Variants in PLCL1 observed in about 807,000 individuals in gnomAD.
PLCL1 encodes phospholipase C like 1 (inactive).
In PLCL1, 41 loss-of-function variants were observed where a neutral mutation model predicts 84.4. That is an observed-to-expected ratio of 0.49 (90% CI 0.38 to 0.63). The LOEUF is 0.63. Among genes scored for constraint, PLCL1 ranks in the 30% least tolerant of loss-of-function variants. PLCL1 has a pLI of 0.00. For missense variants in PLCL1, 1,206 were observed against 1,367.8 expected (o/e 0.88, Z 1.87); for synonymous variants, 490 against 488.3 (o/e 1.00, Z -0.05).
intron 1 of PLCL1, among the ~76,000 whole-genome samples, chr2:197,859,368 G>A (rs966054636): frequency 1.3e-5 from 2 of 152,048 alleles, no homozygotes; most frequent in African/African-American, 2.4e-5. Context: ...TTCTTAATCT[G>A]TTGTTTAAAT....
intron 1 of PLCL1, among the ~76,000 whole-genome samples, chr2:197,862,074 C>A (rs114815497): frequency 6.6e-6 from 1 of 152,002 alleles, no homozygotes; most frequent in Non-Finnish European, 1.5e-5. Context: ...TAATTGTCTC[C>A]TTATTGAGTA....
chr2:197,846,205 A>G (rs1687118587), intron 1 of PLCL1, among the ~76,000 whole-genome samples: 1 of 152,182 alleles, frequency 6.6e-6, no homozygotes, highest in African/African-American at 2.4e-5. Context: ...AGCCATTTGA[A>G]GGATTATGTG....
At chr2:197,814,764 C>CA (rs1690655179) in intron 1 of PLCL1, among the ~76,000 whole-genome samples, 1 of 152,060 alleles carries the variant, frequency 6.6e-6, no homozygotes, top group South Asian at 2.1e-4. Flanking sequence ...GATAAGAAAG[C>CA]AAAAACAGCC....
intron 5 of PLCL1, among the ~76,000 whole-genome samples, chr2:198,125,765 A>T (rs1190029247): frequency 6.6e-6 from 1 of 152,144 alleles, no homozygotes; most frequent in Non-Finnish European, 1.5e-5. Flanking sequence ...AGCTGCCAGG[A>T]TCCATTGATT....
At chr2:197,857,485 G>C (rs1687352775) in intron 1 of PLCL1, among the ~76,000 whole-genome samples, 1 of 152,168 alleles carries the variant, frequency 6.6e-6, no homozygotes, top group South Asian at 2.1e-4. Flanking sequence ...CTTTGAAACT[G>C]AGCTGCAAAA....
chr2:198,037,236 A>C (rs749963662), intron 1 of PLCL1, among the ~76,000 whole-genome samples: 3 of 152,222 alleles, frequency 2.0e-5, no homozygotes, highest in Non-Finnish European at 4.4e-5. Context: ...TTAGGTGTTA[A>C]TAAAAATCAG....
intron 1 of PLCL1, among the ~76,000 whole-genome samples, chr2:197,866,302 C>T (rs887985971): frequency 2.0e-5 from 3 of 149,892 alleles, no homozygotes; most frequent in Non-Finnish European, 3.0e-5. Context: ...TGAACATTTG[C>T]GTTGGCTGAA....
chr2:197,837,725 C>A (rs1691220198), intron 1 of PLCL1, among the ~76,000 whole-genome samples: 1 of 152,118 alleles, frequency 6.6e-6, no homozygotes, highest in African/African-American at 2.4e-5. Context: ...AAATTGTTAA[C>A]TAAAATTAGG....
intron 4 of PLCL1, among the ~76,000 whole-genome samples, chr2:198,102,332 AGGAAACTGAAGACCAGAGATGTCAGG>A (rs2105912855): frequency 6.6e-6 from 1 of 152,078 alleles, no homozygotes; most frequent in East Asian, 1.9e-4. Context: ...GTCACCCGTG[AGGAAACTGAAGACCAGAGATGTCAGG>A]GTCTTTCCGA....
chr2:198,071,879 T>C (rs1692473110), intron 1 of PLCL1, among the ~76,000 whole-genome samples: 1 of 151,884 alleles, frequency 6.6e-6, no homozygotes, highest in South Asian at 2.1e-4. Flanking sequence ...CTTTAATCTA[T>C]TTAAAATTAT....
chr2:198,023,635 C>T (rs557718792), intron 1 of PLCL1, among the ~76,000 whole-genome samples: 2 of 152,330 alleles, frequency 1.3e-5, no homozygotes, highest in African/African-American at 4.8e-5. Context: ...GGCCAATGAA[C>T]ATATTTTAAA....
chr2:197,892,441 A>T lies in PLCL1; in HGVS notation c.240+87102A>T, dbSNP rs150632446. On this transcript the variant is annotated intron_variant, in intron 1 of 5. Transcript: ENST00000428675. ...TCAGCATGCAAATTTAAACCCAAAGAAAGTTAGGTGCTTAAATGCTCTAGG... is the reference window on the plus strand; with the variant it reads ...TCAGCATGCAAATTTAAACCCAAAGTAAGTTAGGTGCTTAAATGCTCTAGG... 3.4e-3 allele frequency among the ~76,000 whole-genome samples: 524 copies of T among 152,304 alleles called. 4 individuals are homozygous for T. Among genetic ancestry groups the T allele is most frequent in the African/African-American group, 0.012 (487 of 41,560 alleles).
At chr2:197,876,212 G>A (rs370403970) in intron 1 of PLCL1, among the ~76,000 whole-genome samples, 1 of 152,272 alleles carries the variant, frequency 6.6e-6, no homozygotes, top group African/African-American at 2.4e-5. Context: ...ATGGAGCTAG[G>A]AATATTACTA....
intron 1 of PLCL1, among the ~76,000 whole-genome samples, chr2:198,057,192 G>C (rs1410025270): frequency 6.6e-6 from 1 of 152,166 alleles, no homozygotes; most frequent in East Asian, 1.9e-4. Context: ...TAGAGTCCTC[G>C]ATGTGATTGT....
intron 3 of PLCL1, among the ~76,000 whole-genome samples, chr2:198,092,692 C>G (rs1006263737): frequency 6.6e-6 from 1 of 152,210 alleles, no homozygotes; most frequent in East Asian, 1.9e-4. Flanking sequence ...ACTACTCTCC[C>G]CATACATTCC....
chr2:197,950,130 C>G (rs1347424535), intron 1 of PLCL1, among the ~76,000 whole-genome samples: 1 of 152,150 alleles, frequency 6.6e-6, no homozygotes, highest in African/African-American at 2.4e-5. Context: ...TTAGGGTTCT[C>G]TCTCTGTTAA....
At chr2:197,889,244 T>C (rs920755175) in intron 1 of PLCL1, among the ~76,000 whole-genome samples, 2 of 152,140 alleles carry the variant, frequency 1.3e-5, no homozygotes, top group Non-Finnish European at 2.9e-5. Flanking sequence ...TGTCTCCCAG[T>C]GTAGGGCCCC....
intron 1 of PLCL1, among the ~76,000 whole-genome samples, chr2:197,906,189 A>T (rs1347380607): frequency 6.6e-6 from 1 of 152,004 alleles, no homozygotes; most frequent in Non-Finnish European, 1.5e-5. Flanking sequence ...TAGCGTTTTT[A>T]TGGTTTCAGG....
chr2:197,844,577 T>C (rs1333290930), intron 1 of PLCL1, among the ~76,000 whole-genome samples: 6 of 152,264 alleles, frequency 3.9e-5, no homozygotes, highest in African/African-American at 1.4e-4. Flanking sequence ...TCTAAGATTA[T>C]AAGGATCTTT....
Sources: gnomAD v4.1 joint callset for allele counts (sites outside exome capture counted in the v4.1 genomes callset) on GRCh38, gnomAD v4.1.1 for gene constraint, MANE v1.5 for transcripts, NCBI Gene and HGNC (gene_info 2026-07-23, HGNC 2026-07-21) for gene names.